The following EPB41L2 variants were observed in gnomAD, a reference collection of about 807,000 sequenced individuals.
EPB41L2 encodes the protein erythrocyte membrane protein band 4.1 like 2.
In EPB41L2, 43 loss-of-function variants were observed where a neutral mutation model predicts 113.0. The observed-to-expected ratio is 0.38, with a 90% CI of 0.30 to 0.49. The LOEUF is 0.49. EPB41L2 is among the 20% of genes least tolerant of loss of function. The pLI, the probability that EPB41L2 is intolerant of heterozygous loss-of-function variation, is 0.95. For missense variants in EPB41L2, 1,147 were observed against 1,223.4 expected (o/e 0.94, Z 0.93); for synonymous variants, 442 against 436.7 (o/e 1.01, Z -0.15).
chr6:130,844,078 C>T (rs912748733), intron 19 of EPB41L2, among the ~76,000 whole-genome samples: 1 of 152,198 alleles, frequency 6.6e-6, no homozygotes, highest in Non-Finnish European at 1.5e-5. Flanking sequence ...ACAGAAAATA[C>T]TAGCAATGCT....
intron 1 of EPB41L2, among the ~76,000 whole-genome samples, chr6:131,005,875 C>T (rs1785390657): frequency 6.6e-6 from 1 of 152,154 alleles, no homozygotes; most frequent in South Asian, 2.1e-4. Flanking sequence ...CTGATCAAGA[C>T]TCAAGGCTAA....
intron 1 of EPB41L2, among the ~76,000 whole-genome samples, chr6:131,041,940 C>G (rs1036034178): frequency 1.3e-5 from 2 of 152,094 alleles, no homozygotes; most frequent in African/African-American, 4.8e-5. Flanking sequence ...GATGTAACAA[C>G]AGTATTGTGG....
chr6:130,923,019 C>T (rs1369942753), intron 4 of EPB41L2, among the ~76,000 whole-genome samples: 1 of 152,178 alleles, frequency 6.6e-6, no homozygotes, highest in Non-Finnish European at 1.5e-5. Flanking sequence ...AGAAACTACA[C>T]TCATGATATC....
At chr6:131,059,921 G>A (rs1270558684) in intron 1 of EPB41L2, among the ~76,000 whole-genome samples, 3 of 152,208 alleles carry the variant, frequency 2.0e-5, no homozygotes, top group Non-Finnish European at 4.4e-5. Flanking sequence ...GGATGGAGGA[G>A]GTAGGCACAT....
chr6:131,031,750 T>C (rs1562769685), intron 1 of EPB41L2, among the ~76,000 whole-genome samples: 1 of 152,220 alleles, frequency 6.6e-6, no homozygotes, highest in African/African-American at 2.4e-5. Flanking sequence ...GCTCTGATAA[T>C]ATATGTTTTC....
At chr6:130,875,437 T>C (rs893731031) in intron 14 of EPB41L2, among the ~76,000 whole-genome samples, 2 of 152,166 alleles carry the variant, frequency 1.3e-5, no homozygotes, top group African/African-American at 4.8e-5. Flanking sequence ...GTCTAACCTC[T>C]TTGAATTTTC....
chr6:130,867,322 G>T, intron 16 of EPB41L2, 137 bp downstream of exon 16: 1 of 1,111,884 alleles, frequency 9.0e-7, no homozygotes, highest in Non-Finnish European at 1.3e-6. Context: ...TTATGTTGTT[G>T]AAGTACACTT....
intron 19 of EPB41L2, among the ~76,000 whole-genome samples, chr6:130,848,534 T>C (rs1777814353): frequency 6.6e-6 from 1 of 152,214 alleles, no homozygotes; most frequent in South Asian, 2.1e-4. Context: ...GTAAATATCT[T>C]ATACTTACAA....
At chr6:130,892,403 C>CTGTTTTTTTTTTTTTTTTT (rs1793196377) in intron 10 of EPB41L2, among the ~76,000 whole-genome samples, 1 of 92,640 alleles carries the variant, frequency 1.1e-5, no homozygotes, top group Non-Finnish European at 2.4e-5. Context: ...CAGATTATTG[C>CTGTTTTTTTTTTTTTTTTT]TTTTTTTTTT....
chr6:131,043,917 C>T (rs376508577), intron 1 of EPB41L2, among the ~76,000 whole-genome samples: 91 of 151,978 alleles, frequency 6.0e-4, no homozygotes, highest in African/African-American at 2.1e-3. Flanking sequence ...AGAAAGCCAG[C>T]CATGAGCTGA....
chr6:130,869,221 G>C (rs1333965281), intron 15 of EPB41L2, among the ~76,000 whole-genome samples: 1 of 152,060 alleles, frequency 6.6e-6, no homozygotes, highest in Non-Finnish European at 1.5e-5. Context: ...GGAAAAAAAG[G>C]CATTTAGTGT....
At chr6:130,930,947 T>C (rs1482365914) in intron 3 of EPB41L2, among the ~76,000 whole-genome samples, 1 of 152,070 alleles carries the variant, frequency 6.6e-6, no homozygotes, top group Non-Finnish European at 1.5e-5. Flanking sequence ...AACTAAATTA[T>C]AATCCAAATG....
intron 3 of EPB41L2, among the ~76,000 whole-genome samples, chr6:130,935,629 T>C (rs996626691): frequency 1.3e-5 from 2 of 152,200 alleles, no homozygotes; most frequent in African/African-American, 4.8e-5. Flanking sequence ...ATATGGCCCC[T>C]TTTTTTAAAA....
intron 18 of EPB41L2, among the ~76,000 whole-genome samples, chr6:130,859,363 A>C (rs1416627309): frequency 6.6e-6 from 1 of 152,042 alleles, no homozygotes; most frequent in Non-Finnish European, 1.5e-5. Flanking sequence ...TCTACTAAAA[A>C]CACCAGGCTT....
chr6:131,023,739 C>CTA (rs201216677), intron 1 of EPB41L2, among the ~76,000 whole-genome samples: 64,795 of 138,538 alleles, frequency 0.47, 15,161 homozygotes, highest in Non-Finnish European at 0.51. Context: ...GTATATATAT[C>CTA]TATATATCTA....
chr6:131,000,746 G>C (rs536837539), intron 1 of EPB41L2: 2 of 152,332 alleles, frequency 1.3e-5, no homozygotes, highest in Admixed American at 1.3e-4. Context: ...GCCTGGATTA[G>C]GATAAACGCC....
At chr6:130,972,398 T>C (rs970932478) in intron 1 of EPB41L2, among the ~76,000 whole-genome samples, 14 of 149,808 alleles carry the variant, frequency 9.3e-5, no homozygotes, top group African/African-American at 3.4e-4. Context: ...CATATGACTC[T>C]AAAGAAATAT....
intron 1 of EPB41L2, among the ~76,000 whole-genome samples, chr6:130,957,296 C>G (rs575314763): frequency 5.3e-5 from 8 of 152,146 alleles, no homozygotes; most frequent in Non-Finnish European, 8.8e-5. Context: ...CTAATTAGAA[C>G]AAAATTTAAA....
Position 130,901,007 on chromosome 6 carries a change from G to C in EPB41L2, c.1103C>G (p.Thr368Ser). The C allele has an allele frequency of 1.2e-6, 2 of 1,614,150 alleles. No homozygotes were observed. The highest frequency in any genetic ancestry group is 2.2e-5 in the South Asian group (2 of 91,086). ...LSEFQFAPTQ[T>S]KELEEKVAEL... ...TGCCACCTTCTCTTCCAGCTCCTTAGTCTGAGTAGGGGCAAACTGGAATTC... is the reference window on the plus strand; with the variant it reads ...TGCCACCTTCTCTTCCAGCTCCTTACTCTGAGTAGGGGCAAACTGGAATTC... Residue 368 changes from threonine (T) to serine (S), a missense_variant, in exon 7 of 20, where the codon ACT (threonine) becomes AGT (serine). Physicochemically the swap from Thr to Ser is moderately conservative, Grantham distance 58. Transcript: ENST00000337057.
Sources: allele counts gnomAD v4.1 joint callset (sites outside exome capture counted in the v4.1 genomes callset), GRCh38; gene constraint gnomAD v4.1.1; transcripts MANE v1.5; gene names NCBI Gene and HGNC (gene_info 2026-07-23, HGNC 2026-07-21).